Variants in HIVEP2 observed in about 807,000 individuals in gnomAD.
HIVEP2 encodes the protein HIVEP zinc finger 2, also known as transcription factor HIVEP2.
A neutral mutation model predicts 180.7 loss-of-function variants in HIVEP2; 14 were observed. The observed-to-expected ratio is 0.08, with a 90% CI of 0.05 to 0.12. The LOEUF is 0.12. HIVEP2 is among the 10% of genes least tolerant of loss of function. The probability of loss-of-function intolerance (pLI) is 1.00; values close to 1 mark genes in which losing one functional copy is unlikely to be tolerated. For synonymous variants in HIVEP2, 1,184 were observed against 1,136.4 expected (o/e 1.04, Z -0.84); for missense variants, 2,579 against 3,008.5 (o/e 0.86, Z 3.34).
At chr6:142,920,720 G>A (rs1055683674) in intron 1 of HIVEP2, among the ~76,000 whole-genome samples, 6 of 152,286 alleles carry the variant, frequency 3.9e-5, no homozygotes, top group East Asian at 3.9e-4. Context: ...GGTAGCTCAC[G>A]CCTGTAATCC....
chr6:142,764,721 G>T, intron 7 of HIVEP2, 78 bp downstream of exon 7: 1 of 983,544 alleles, frequency 1.0e-6, no homozygotes, highest in South Asian at 1.5e-5. Flanking sequence ...GTTGATGAAG[G>T]TTAGTTATAA....
At chr6:142,850,720 G>C (rs1775626537) in intron 1 of HIVEP2, among the ~76,000 whole-genome samples, 1 of 152,204 alleles carries the variant, frequency 6.6e-6, no homozygotes, top group Non-Finnish European at 1.5e-5. Flanking sequence ...TCCTAAGCCT[G>C]ACAATTATAA....
chr6:142,847,529 A>T (rs1257842410), intron 1 of HIVEP2, among the ~76,000 whole-genome samples: 2 of 152,224 alleles, frequency 1.3e-5, no homozygotes, highest in East Asian at 3.8e-4. Context: ...CAAACTCCTT[A>T]TAAAAACCCT....
intron 1 of HIVEP2, among the ~76,000 whole-genome samples, chr6:142,860,527 A>T (rs1177686247): frequency 4.0e-5 from 6 of 151,392 alleles, no homozygotes; most frequent in African/African-American, 1.5e-4. Context: ...AATCTGTGGG[A>T]GCCCTGAGCT....
chr6:142,937,265 G>A (rs1421875179), intron 1 of HIVEP2, among the ~76,000 whole-genome samples: 2 of 152,178 alleles, frequency 1.3e-5, no homozygotes, highest in Non-Finnish European at 2.9e-5. Flanking sequence ...TCAGTCAAGA[G>A]TTTAATGGAC....
intron 9 of HIVEP2, among the ~76,000 whole-genome samples, chr6:142,756,660 A>C (rs929837797): frequency 6.8e-6 from 1 of 147,682 alleles, no homozygotes; most frequent in Non-Finnish European, 1.5e-5. Flanking sequence ...AAAGCTTTAA[A>C]ATGGAAAAGG....
Position 142,772,498 on chromosome 6 carries a change from G to C in HIVEP2, c.2241C>G (p.His747Gln). The C allele has an allele frequency of 6.2e-7, 1 of 1,614,070 alleles. No individual in the cohort carries two copies. The highest frequency in any genetic ancestry group is 8.5e-7 in the Non-Finnish European group (1 of 1,180,042). The stretch of plus-strand genomic sequence containing the variant: ...CCGTGTGACCATGAGAAAGGTTTTC[G>C]TGTCCAGCCATGGCAAATCCACTCC... ...GVRSGFAMAG[H>Q]ENLSHGHTER... Residue 747 changes from histidine (H) to glutamine (Q), a missense_variant, in exon 5 of 10, where the codon CAC becomes CAG. Coordinates refer to ENST00000367603, the MANE Select transcript of HIVEP2 (RefSeq NM_006734.4). This position sits in a 1 kb window ranked among gnomAD's most constrained non-coding sequence, Gnocchi z 4.9.
At chr6:142,858,734 G>A (rs1562267461) in intron 1 of HIVEP2, among the ~76,000 whole-genome samples, 1 of 152,036 alleles carries the variant, frequency 6.6e-6, no homozygotes, top group Non-Finnish European at 1.5e-5. Flanking sequence ...TGGGATTACA[G>A]GTGCCCACCG....
intron 1 of HIVEP2, among the ~76,000 whole-genome samples, chr6:142,891,397 T>G (rs552208840): frequency 2.7e-5 from 4 of 150,458 alleles, no homozygotes; most frequent in Admixed American, 2.7e-4. Flanking sequence ...TACATATGTA[T>G]GTTTATATAT....
intron 3 of HIVEP2, among the ~76,000 whole-genome samples, chr6:142,782,369 T>TA (rs1413889549): frequency 2.6e-5 from 4 of 152,276 alleles, no homozygotes; most frequent in African/African-American, 9.6e-5. Context: ...ACGAGTCACT[T>TA]AGACACTCAT....
chr6:142,930,530 A>G (rs1292933054), intron 1 of HIVEP2, among the ~76,000 whole-genome samples: 4 of 152,218 alleles, frequency 2.6e-5, no homozygotes, highest in African/African-American at 9.6e-5. Flanking sequence ...TAACTGAGAC[A>G]GTCCCAAGAC....
chr6:142,834,118 A>G (rs1036865673), intron 2 of HIVEP2, among the ~76,000 whole-genome samples: 3 of 152,234 alleles, frequency 2.0e-5, no homozygotes, highest in Non-Finnish European at 4.4e-5. Context: ...TCGTTATAAG[A>G]CCAGCTAAAA....
intron 1 of HIVEP2, among the ~76,000 whole-genome samples, chr6:142,892,319 C>T (rs1776879880): frequency 1.3e-5 from 2 of 152,284 alleles, no homozygotes; most frequent in South Asian, 4.1e-4. Flanking sequence ...TGTCTAAGGG[C>T]ACCTGGCTAA....
At chr6:142,928,701 C>A (rs1228038661) in intron 1 of HIVEP2, among the ~76,000 whole-genome samples, 2 of 152,158 alleles carry the variant, frequency 1.3e-5, no homozygotes, top group Non-Finnish European at 2.9e-5. Flanking sequence ...ATATATATTT[C>A]TATCCCGATT....
chr6:142,794,506 T>A (rs1181763065), intron 2 of HIVEP2, among the ~76,000 whole-genome samples: 1 of 152,138 alleles, frequency 6.6e-6, no homozygotes, highest in Non-Finnish European at 1.5e-5. Flanking sequence ...TTCGTAAATA[T>A]AACAGAAAAG....
At chr6:142,846,606 T>A (rs1374303650) in intron 1 of HIVEP2, among the ~76,000 whole-genome samples, 1 of 152,198 alleles carries the variant, frequency 6.6e-6, no homozygotes, top group Non-Finnish European at 1.5e-5. Context: ...CATCATACAG[T>A]CCCATTTTAG....
intron 2 of HIVEP2, among the ~76,000 whole-genome samples, chr6:142,809,461 G>C (rs1173860580): frequency 6.6e-6 from 1 of 152,122 alleles, no homozygotes; most frequent in African/African-American, 2.4e-5. Context: ...AGAAGAGTTG[G>C]CTTTGCTCAT....
chr6:142,793,652 CTTTCTTT>C (rs1181339198), intron 2 of HIVEP2, among the ~76,000 whole-genome samples: 211 of 62,888 alleles, frequency 3.4e-3, no homozygotes, highest in Non-Finnish European at 5.2e-3. Flanking sequence ...TTCTTTCTTT[CTTTCTTT>C]TTTCTTTCTT....
Position 142,771,567 on chromosome 6 carries a change from G to A in HIVEP2, c.3172C>T (p.His1058Tyr), listed in dbSNP as rs745465410. ...GCTGCTGCTCCCGACACAGGAGCAT[G>A]GGACAGATTCCCATAATCAAATGAT... is the stretch of plus-strand genomic sequence containing the variant. ...SKSFDYGNLS[H>Y]APVSGAAAST... The change falls in exon 5 of 10, where the codon CAT becomes TAT. Residue 1058 changes from histidine (H) to tyrosine (Y), a missense_variant. His to Tyr is a moderately conservative substitution (Grantham distance 83). Coordinates refer to ENST00000367603, the MANE Select transcript of HIVEP2 (RefSeq NM_006734.4). The surrounding 1 kb of genome is among the most constrained non-coding windows in gnomAD (Gnocchi z 5.4). 7 of 1,614,034 alleles carry A rather than the reference G, an allele frequency of 4.3e-6. No homozygotes were observed. In the South Asian group the frequency reaches 7.7e-5, roughly 18 times the overall value.
Sources: gnomAD v4.1 joint callset for allele counts (sites outside exome capture counted in the v4.1 genomes callset) on GRCh38, gnomAD v4.1.1 for gene constraint, Gnocchi (gnomAD v3.1) non-coding constraint, MANE v1.5 for transcripts, NCBI Gene and HGNC (gene_info 2026-07-23, HGNC 2026-07-21) for gene names.